MAPK10: variants seen among roughly 807,000 people sequenced by gnomAD.
The protein encoded by MAPK10 is JNK3 alpha protein kinase.
A neutral mutation model predicts 59.3 loss-of-function variants in MAPK10; 25 were observed. The ratio of observed to expected loss-of-function variants is 0.42; its 90% CI spans 0.31 to 0.59. The LOEUF is 0.59. Ranked by LOEUF, MAPK10 falls within the 20% of genes least tolerant of loss-of-function variation. The probability of loss-of-function intolerance (pLI) is 0.15; values close to 1 mark genes in which losing one functional copy is unlikely to be tolerated. For synonymous variants in MAPK10, 190 were observed against 200.5 expected (o/e 0.95, Z 0.44); for missense variants, 351 against 568.9 (o/e 0.62, Z 3.90).
intron 2 of MAPK10, among the ~76,000 whole-genome samples, chr4:86,224,754 A>C (rs947775503): frequency 6.6e-6 from 1 of 152,202 alleles, no homozygotes; most frequent in Non-Finnish European, 1.5e-5. Flanking sequence ...GATTTGATAA[A>C]TCTGAGTTTG....
chr4:86,149,225 C>T (rs2065769059), intron 4 of MAPK10, among the ~76,000 whole-genome samples: 1 of 152,128 alleles, frequency 6.6e-6, no homozygotes, highest in Non-Finnish European at 1.5e-5. Flanking sequence ...GCCACCAATT[C>T]AAATCTTGGC....
intron 2 of MAPK10, among the ~76,000 whole-genome samples, chr4:86,288,439 A>T (rs779386208): frequency 6.6e-6 from 1 of 151,282 alleles, no homozygotes; most frequent in Non-Finnish European, 1.5e-5. Flanking sequence ...AAAAACCATG[A>T]TCTAAAATTT....
chr4:86,555,059 T>A (rs1240608145), intron 1 of MAPK10, among the ~76,000 whole-genome samples: 1 of 152,272 alleles, frequency 6.6e-6, no homozygotes, highest in Non-Finnish European at 1.5e-5. Flanking sequence ...TGTCAAGCCA[T>A]CCCTAATTTT....
At chr4:86,215,657 T>C (rs1317331324) in intron 2 of MAPK10, among the ~76,000 whole-genome samples, 1 of 152,030 alleles carries the variant, frequency 6.6e-6, no homozygotes, top group East Asian at 1.9e-4. Flanking sequence ...GGTTAGGAGA[T>C]CAAGATCATC....
At chr4:86,382,731 C>A (rs1189006502) in intron 1 of MAPK10, among the ~76,000 whole-genome samples, 3 of 152,194 alleles carry the variant, frequency 2.0e-5, no homozygotes, top group Non-Finnish European at 4.4e-5. Context: ...CCATCCTGCA[C>A]CTCACATTCC....
chr4:86,104,268 A>T (rs1471294971), intron 5 of MAPK10, among the ~76,000 whole-genome samples: 2 of 152,148 alleles, frequency 1.3e-5, no homozygotes, highest in Non-Finnish European at 1.5e-5. Flanking sequence ...AAAAATAACC[A>T]CAGTACCATC....
chr4:86,438,063 T>A (rs1748975165), intron 1 of MAPK10, among the ~76,000 whole-genome samples: 1 of 152,150 alleles, frequency 6.6e-6, no homozygotes, highest in Non-Finnish European at 1.5e-5. Flanking sequence ...ATGCTAGGAA[T>A]TCAGGGCATT....
At chr4:86,316,536 C>T (rs2095792099) in intron 2 of MAPK10, among the ~76,000 whole-genome samples, 1 of 152,072 alleles carries the variant, frequency 6.6e-6, no homozygotes. Flanking sequence ...TATACATGCA[C>T]ACAGAAAAAC....
At chr4:86,033,640 G>T (rs181676706) in intron 11 of MAPK10, among the ~76,000 whole-genome samples, 1 of 152,310 alleles carries the variant, frequency 6.6e-6, no homozygotes, top group Admixed American at 6.5e-5. Flanking sequence ...AACTACAAGA[G>T]AGAATGCAAA....
intron 1 of MAPK10, among the ~76,000 whole-genome samples, chr4:86,420,255 A>G (rs1746340600): frequency 6.6e-6 from 1 of 152,190 alleles, no homozygotes; most frequent in South Asian, 2.1e-4. Flanking sequence ...CTCAAACCCT[A>G]GTCTATTTTC....
intron 1 of MAPK10, among the ~76,000 whole-genome samples, chr4:86,450,091 G>A (rs545158531): frequency 2.0e-5 from 3 of 152,196 alleles, no homozygotes; most frequent in Admixed American, 6.5e-5. Flanking sequence ...CCACAGAAAC[G>A]ATGAGATAAT....
chr4:86,410,887 T>C (rs187379323), intron 1 of MAPK10, among the ~76,000 whole-genome samples: 8 of 152,318 alleles, frequency 5.3e-5, no homozygotes, highest in African/African-American at 1.9e-4. Flanking sequence ...GGTTTTTTTG[T>C]ATCTCCATAT....
chr4:86,507,637 T>G lies in MAPK10; in HGVS notation c.-263+86273A>C, dbSNP rs1453767999. On this transcript the variant is annotated intron_variant, in intron 1 of 4. Coordinates refer to the MAPK10 transcript ENST00000502302. ...GGAGATATATATATATATATATATATATATATATATATATATATATATATA... is the reference window on the plus strand; with the variant it reads ...GGAGATATATATATATATATATATAGATATATATATATATATATATATATA... Among the ~76,000 whole-genome samples the G allele has an allele frequency of 2.3e-3, 167 of 74,100 alleles. 6 individuals carry two copies. Among genetic ancestry groups the G allele is most frequent in the African/African-American group, 2.7e-3 (50 of 18,304 alleles). 48.6% of individuals were successfully genotyped at this position (74,100 alleles called of 152,430 possible).
chr4:86,245,152 T>G (rs2092996714), intron 2 of MAPK10, among the ~76,000 whole-genome samples: 1 of 152,190 alleles, frequency 6.6e-6, no homozygotes, highest in Non-Finnish European at 1.5e-5. Context: ...AGTACCTGGG[T>G]AGCCTGTCTC....
At chr4:86,029,431 C>T in intron 12 of MAPK10, 157 bp from the exon 13 acceptor site, 4 of 595,042 alleles carry the variant, frequency 6.7e-6, no homozygotes, top group Non-Finnish European at 1.2e-5. Flanking sequence ...TCTATATTGC[C>T]TTGTAATTAG....
chr4:86,262,244 C>A (rs1336950562), intron 2 of MAPK10, among the ~76,000 whole-genome samples: 1 of 152,150 alleles, frequency 6.6e-6, no homozygotes, highest in Non-Finnish European at 1.5e-5. Flanking sequence ...CTCTCTCATG[C>A]ACATACAATC....
At chr4:86,207,379 G>C (rs7684081) in intron 2 of MAPK10, among the ~76,000 whole-genome samples, 19,415 of 151,830 alleles carry the variant, frequency 0.13, 1,243 homozygotes, top group Middle Eastern at 0.14. Context: ...TTATTTCTGA[G>C]GGCTCTGTTC....
At position 86,588,618 on chromosome 4, in the gene MAPK10, A is replaced by G. The variant is rs150484627; in HGVS notation, c.-263+5292T>C. Among the ~76,000 whole-genome samples the G allele has an allele frequency of 8.9e-3, 1,351 of 152,280 alleles. 35 individuals carry two copies. The highest frequency in any genetic ancestry group is 0.06 in the East Asian group (309 of 5,188). On this transcript the variant is annotated intron_variant, in intron 1 of 4. Coordinates refer to the MAPK10 transcript ENST00000502302. ...TAAGGCAATGAATATCCTTGATCAC[A>G]TATCTGGTCATGTATATAAATATAT...
rs377526349 is a variant in MAPK10, at chr4:86,471,159, CT to C, written c.-262-116516del. ...TGGCACGTGCCTGTAATCCCAATTA[CT>C]CAGGAGGCTGAGGCAGGAGAATTGC... On this transcript the variant is annotated intron_variant, in intron 1 of 4. Transcript: ENST00000502302. 1.1e-3 allele frequency among the ~76,000 whole-genome samples: 159 copies of C among 151,410 alleles called. 1 individual carries two copies. Among genetic ancestry groups the C allele is most frequent in the African/African-American group, 3.4e-3 (142 of 41,250 alleles).
Sources: allele counts gnomAD v4.1 joint callset (sites outside exome capture counted in the v4.1 genomes callset), GRCh38; gene constraint gnomAD v4.1.1; transcripts MANE v1.5; gene names NCBI Gene and HGNC (gene_info 2026-07-23, HGNC 2026-07-21).